COLQ: variants seen among roughly 807,000 people sequenced by gnomAD.
COLQ encodes the protein acetylcholinesterase collagenic tail peptide.
Under a neutral mutation model 69.0 loss-of-function variants are expected in COLQ, and 48 were observed. That is an observed-to-expected ratio of 0.70 (90% confidence interval 0.55 to 0.88). The LOEUF (loss-of-function observed/expected upper bound fraction) is 0.88, where lower values mean the gene tolerates loss of function less well. Among genes scored for constraint, COLQ ranks in the 40% least tolerant of loss-of-function variants. The probability of loss-of-function intolerance (pLI) is 0.00; values close to 1 mark genes in which losing one functional copy is unlikely to be tolerated. For missense variants in COLQ, 618 were observed against 594.6 expected (o/e 1.04, Z -0.41); for synonymous variants, 217 against 211.2 (o/e 1.03, Z -0.24).
intron 3 of COLQ, among the ~76,000 whole-genome samples, chr3:15,481,997 A>G (rs2062493395): frequency 6.6e-6 from 1 of 152,184 alleles, no homozygotes; most frequent in African/African-American, 2.4e-5. Flanking sequence ...GAGCTCACTC[A>G]TGATTTGCCT....
At chr3:15,481,319 G>C (rs1310324921) in intron 3 of COLQ, among the ~76,000 whole-genome samples, 1 of 152,154 alleles carries the variant, frequency 6.6e-6, no homozygotes, top group African/African-American at 2.4e-5. Context: ...TTTTCTTCTA[G>C]GGTTTTTATG....
At chr3:15,458,846 ATT>A (rs397874056) in intron 12 of COLQ, among the ~76,000 whole-genome samples, 8 of 145,490 alleles carry the variant, frequency 5.5e-5, no homozygotes, top group Admixed American at 6.9e-5. Context: ...TATATATAGA[ATT>A]TTTTTTTTTT....
intron 12 of COLQ, among the ~76,000 whole-genome samples, chr3:15,465,136 T>G (rs2062177584): frequency 6.8e-6 from 1 of 147,974 alleles, no homozygotes; most frequent in Non-Finnish European, 1.5e-5. Context: ...ATCGCACCAC[T>G]GCACTCCAAC....
intron 1 of COLQ, among the ~76,000 whole-genome samples, chr3:15,515,228 T>C (rs1324043936): frequency 6.6e-6 from 1 of 152,196 alleles, no homozygotes; most frequent in Non-Finnish European, 1.5e-5. Flanking sequence ...CATGAAATGT[T>C]TGTTGAATTA....
chr3:15,508,024 C>T (rs1361146295), intron 1 of COLQ, among the ~76,000 whole-genome samples: 1 of 151,930 alleles, frequency 6.6e-6, no homozygotes, highest in Admixed American at 6.6e-5. Flanking sequence ...ATTCTCGCCT[C>T]CCACATTATT....
intron 2 of COLQ, among the ~76,000 whole-genome samples, chr3:15,488,820 A>G (rs2062619075): frequency 6.6e-6 from 1 of 152,240 alleles, no homozygotes. Flanking sequence ...TTCTCATACT[A>G]CTTCTTTCGA....
intron 1 of COLQ, among the ~76,000 whole-genome samples, chr3:15,494,276 G>A (rs966959901): frequency 2.6e-5 from 4 of 152,144 alleles, no homozygotes; most frequent in Non-Finnish European, 5.9e-5. Context: ...CAGGTGTGGG[G>A]AGGACAGGCT....
intron 1 of COLQ, among the ~76,000 whole-genome samples, chr3:15,493,178 T>C (rs2062697560): frequency 1.3e-5 from 2 of 152,148 alleles, no homozygotes; most frequent in South Asian, 2.1e-4. Flanking sequence ...TCATGCATAC[T>C]TGAGCTAGGC....
Position 15,477,142 on chromosome 3 carries a change from C to T in COLQ, c.449G>A (p.Gly150Asp), listed in dbSNP as rs1284840106. 2.5e-6 allele frequency: 4 copies of T among 1,603,328 alleles called. No homozygotes were observed. In the East Asian group the frequency reaches 6.7e-5, roughly 27 times the overall value. The stretch of plus-strand genomic sequence containing the variant: ...CACACTTACCCTGGGTCCTTCAGGG[C>T]CTGGCCAACCGATGGGCCCAGGCAT... ...PGMPGPIGWP[G>D]PEGPRGEKGD... Residue 150 changes from glycine to aspartate, a missense_variant, in exon 6 of 17, where the codon GGC (glycine) becomes GAC (aspartate). Transcript: ENST00000383788.
At chr3:15,506,494 G>T (rs1271050079) in intron 1 of COLQ, 2 of 152,046 alleles carry the variant, frequency 1.3e-5, no homozygotes, top group African/African-American at 4.8e-5. Context: ...ATACTTCTGG[G>T]AATATTTTGT....
At chr3:15,483,506 T>C (rs970406197) in intron 3 of COLQ, among the ~76,000 whole-genome samples, 6 of 152,168 alleles carry the variant, frequency 3.9e-5, no homozygotes, top group African/African-American at 1.2e-4. Context: ...GTTCAGTTTC[T>C]ATGTAGTTGA....
intron 1 of COLQ, among the ~76,000 whole-genome samples, chr3:15,510,911 G>A (rs1478494359): frequency 6.6e-6 from 1 of 152,102 alleles, no homozygotes; most frequent in East Asian, 1.9e-4. Flanking sequence ...ACATGGCCAA[G>A]ATCTCTCAGC....
intron 3 of COLQ, 113 bp from the exon 4 acceptor site, chr3:15,479,495 T>C (rs1477222392): frequency 7.6e-6 from 8 of 1,054,696 alleles, no homozygotes; most frequent in African/African-American, 1.6e-5. Flanking sequence ...TCTGGGCAGA[T>C]GTAGGGCTCC....
chr3:15,462,467 G>C (rs1336517342), intron 12 of COLQ, among the ~76,000 whole-genome samples: 1 of 152,026 alleles, frequency 6.6e-6, no homozygotes, highest in African/African-American at 2.4e-5. Context: ...CAGAAAGGAA[G>C]TGGCTCAAAG....
intron 15 of COLQ, among the ~76,000 whole-genome samples, chr3:15,454,731 C>T (rs1427223486): frequency 6.7e-6 from 1 of 149,640 alleles, no homozygotes; most frequent in Non-Finnish European, 1.5e-5. Flanking sequence ...TCGCAGTTCA[C>T]TGCAGCCTTG....
chr3:15,511,424 G>A (rs1284199752), intron 1 of COLQ, among the ~76,000 whole-genome samples: 1 of 152,242 alleles, frequency 6.6e-6, no homozygotes, highest in African/African-American at 2.4e-5. Flanking sequence ...ACAGCAGAGG[G>A]AAGTAAGGGC....
chr3:15,458,115 C>A (rs1287182385), intron 13 of COLQ, 71 bp downstream of exon 13: 4 of 1,549,296 alleles, frequency 2.6e-6, no homozygotes, highest in East Asian at 2.3e-5. Flanking sequence ...AAGGATTTTA[C>A]AAAGCCCCAT....
intron 12 of COLQ, among the ~76,000 whole-genome samples, chr3:15,463,933 T>G (rs750859661): frequency 4.6e-5 from 7 of 152,214 alleles, no homozygotes; most frequent in Non-Finnish European, 1.0e-4. Flanking sequence ...GCAGCAAACA[T>G]AAGTTATTAC....
At chr3:15,492,540 G>A (rs536095955) in intron 1 of COLQ, among the ~76,000 whole-genome samples, 2 of 152,204 alleles carry the variant, frequency 1.3e-5, no homozygotes, top group East Asian at 1.9e-4. Flanking sequence ...AGTGGTGGGC[G>A]CCTGTAGTCC....
Sources: gnomAD v4.1 joint callset for allele counts (sites outside exome capture counted in the v4.1 genomes callset) on GRCh38, gnomAD v4.1.1 for gene constraint, MANE v1.5 for transcripts, NCBI Gene and HGNC (gene_info 2026-07-23, HGNC 2026-07-21) for gene names.